Variants in TRPM7 observed in about 807,000 individuals in gnomAD.
The protein encoded by TRPM7 is transient receptor potential cation channel subfamily M member 7, also known as LTRPC ion channel family member 7.
Under a neutral mutation model 229.7 loss-of-function variants are expected in TRPM7, and 134 were observed. The ratio of observed to expected loss-of-function variants is 0.58; its 90% CI spans 0.51 to 0.67. TRPM7 has a LOEUF of 0.67. Among genes scored for constraint, TRPM7 ranks in the 30% least tolerant of loss-of-function variants. The pLI, the probability that TRPM7 is intolerant of heterozygous loss-of-function variation, is 0.00. For synonymous variants in TRPM7, 699 were observed against 715.2 expected (o/e 0.98, Z 0.36); for missense variants, 1,901 against 2,210.0 (o/e 0.86, Z 2.80).
intron 11 of TRPM7, among the ~76,000 whole-genome samples, chr15:50,626,573 A>C (rs1017349960): frequency 1.3e-5 from 2 of 152,236 alleles, no homozygotes; most frequent in South Asian, 4.1e-4. Flanking sequence ...ACTATGCAGA[A>C]GAAATTCATC....
chr15:50,628,020 T>C (rs1306465320), intron 11 of TRPM7, 129 bp downstream of exon 11: 4 of 670,282 alleles, frequency 6.0e-6, no homozygotes, highest in African/African-American at 5.5e-5. Flanking sequence ...GGTGTAGAAA[T>C]ACTTAGCTAA....
chr15:50,625,046 A>G (rs2060516367), intron 11 of TRPM7, among the ~76,000 whole-genome samples: 1 of 152,218 alleles, frequency 6.6e-6, no homozygotes, highest in Non-Finnish European at 1.5e-5. Context: ...TTTATATATT[A>G]AAGCCTATTT....
intron 1 of TRPM7, among the ~76,000 whole-genome samples, chr15:50,684,166 T>C (rs1257138781): frequency 6.6e-6 from 1 of 151,170 alleles, no homozygotes; most frequent in Non-Finnish European, 1.5e-5. Flanking sequence ...GTTTTTTTTT[T>C]TTCTGAGACA....
chr15:50,624,699 A>C (rs2140584445), intron 11 of TRPM7, among the ~76,000 whole-genome samples: 1 of 152,268 alleles, frequency 6.6e-6, no homozygotes. Flanking sequence ...GGGTCAAGGG[A>C]CATCAGAAAT....
At chr15:50,575,645 C>T in intron 33 of TRPM7, 79 bp downstream of exon 33, 2 of 1,219,622 alleles carry the variant, frequency 1.6e-6, no homozygotes, top group Non-Finnish European at 1.2e-6. Context: ...AATGTAATCC[C>T]ACCCACATTC....
At chr15:50,618,586 A>G (rs987344379) in intron 13 of TRPM7, among the ~76,000 whole-genome samples, 1 of 114,362 alleles carries the variant, frequency 8.7e-6, no homozygotes, top group African/African-American at 3.3e-5. Context: ...TAAATAAATA[A>G]ATAAATAAAT....
chr15:50,608,155 T>C (rs1156364707), intron 19 of TRPM7, among the ~76,000 whole-genome samples: 1 of 151,576 alleles, frequency 6.6e-6, no homozygotes, highest in African/African-American at 2.4e-5. Flanking sequence ...GTCACTAAAG[T>C]TGAACCCCAA....
chr15:50,678,085 C>CA (rs1476525369), intron 1 of TRPM7, among the ~76,000 whole-genome samples: 1 of 150,082 alleles, frequency 6.7e-6, no homozygotes, highest in Non-Finnish European at 1.5e-5. Context: ...TAAAAAAATA[C>CA]AAAAAATCAG....
At chr15:50,636,346 A>T (rs1445420172) in intron 7 of TRPM7, among the ~76,000 whole-genome samples, 2 of 151,962 alleles carry the variant, frequency 1.3e-5, no homozygotes, top group Non-Finnish European at 2.9e-5. Flanking sequence ...ACACGCCACC[A>T]CGCTCGGCTA....
chr15:50,650,153 A>C (rs2061378412), intron 3 of TRPM7, among the ~76,000 whole-genome samples: 1 of 133,640 alleles, frequency 7.5e-6, no homozygotes, highest in Non-Finnish European at 1.5e-5. Context: ...AGATTGGGCC[A>C]CTGCACTCCA....
chr15:50,680,434 G>A (rs1429195488), intron 1 of TRPM7, among the ~76,000 whole-genome samples: 1 of 150,790 alleles, frequency 6.6e-6, no homozygotes, highest in Non-Finnish European at 1.5e-5. Flanking sequence ...GCCCAATGTG[G>A]TGGCGCAACC....
intron 3 of TRPM7, among the ~76,000 whole-genome samples, chr15:50,651,619 G>GGCA (rs2061421432): frequency 6.6e-6 from 1 of 152,092 alleles, no homozygotes; most frequent in African/African-American, 2.4e-5. Flanking sequence ...AACATAGTAA[G>GGCA]ACTCTGTCTC....
intron 25 of TRPM7, 136 bp from the exon 26 acceptor site, chr15:50,592,762 A>G: frequency 3.2e-6 from 2 of 622,298 alleles, no homozygotes; most frequent in Non-Finnish European, 5.4e-6. Context: ...AGGTACAGTT[A>G]TTTAATTATA....
chr15:50,681,699 G>A (rs559442262), intron 1 of TRPM7, among the ~76,000 whole-genome samples: 5 of 152,210 alleles, frequency 3.3e-5, no homozygotes, highest in Non-Finnish European at 5.9e-5. Flanking sequence ...TCCACAAGGA[G>A]CTTTGTTTCC....
intron 36 of TRPM7, among the ~76,000 whole-genome samples, chr15:50,570,390 C>T (rs1033693667): frequency 2.5e-4 from 38 of 152,210 alleles, no homozygotes; most frequent in African/African-American, 8.2e-4. Flanking sequence ...AAGAGTTAAA[C>T]GTCAGAGTTG....
At chr15:50,609,540 A>G (rs1567000583) in intron 19 of TRPM7, 41 bp downstream of exon 19, 3 of 1,563,116 alleles carry the variant, frequency 1.9e-6, no homozygotes, top group East Asian at 4.5e-5. Flanking sequence ...CCCAAAGCCT[A>G]ACTCTTAAAA....
chr15:50,578,133 C>CAT (rs1247462901), intron 31 of TRPM7, among the ~76,000 whole-genome samples: 3 of 152,184 alleles, frequency 2.0e-5, no homozygotes, highest in Non-Finnish European at 4.4e-5. Flanking sequence ...GTGCTGATTA[C>CAT]ATGGCTATAC....
At chr15:50,654,371 C>T (rs536377759) in intron 3 of TRPM7, among the ~76,000 whole-genome samples, 7 of 151,194 alleles carry the variant, frequency 4.6e-5, no homozygotes, top group African/African-American at 7.2e-5. Flanking sequence ...TGCTTGAACC[C>T]GGGAGGCAGA....
chr15:50,570,221 T>G, intron 36 of TRPM7, 66 bp from the exon 37 acceptor site: 1 of 1,150,408 alleles, frequency 8.7e-7, no homozygotes, highest in Non-Finnish European at 1.2e-6. Flanking sequence ...TACTGACATC[T>G]GCATAATAAA....
Sources: gnomAD v4.1 joint callset for allele counts (sites outside exome capture counted in the v4.1 genomes callset) on GRCh38, gnomAD v4.1.1 for gene constraint, MANE v1.5 for transcripts, NCBI Gene and HGNC (gene_info 2026-07-23, HGNC 2026-07-21) for gene names.